AQP3: variants seen among roughly 807,000 people sequenced by gnomAD.
The protein encoded by AQP3 is aquaporin-3.
Under a neutral mutation model 30.3 loss-of-function variants are expected in AQP3, and 15 were observed. That is an observed-to-expected ratio of 0.49 (90% CI 0.33 to 0.76). AQP3 has a LOEUF of 0.76. Among genes scored for constraint, AQP3 ranks in the 30% least tolerant of loss-of-function variants. AQP3 has a pLI of 0.02. For synonymous variants in AQP3, 153 were observed against 163.2 expected, an observed-to-expected ratio of 0.94 and a Z score of 0.47; for missense variants, 272 against 384.8, an observed-to-expected ratio of 0.71 and a Z score of 2.45.
rs1021145087 is a variant in AQP3, at chr9:33,443,158, C to T, written c.373+163G>A. 1 of 1,218,286 alleles carries T rather than the reference C, an allele frequency of 8.2e-7. No homozygotes were observed. Among genetic ancestry groups the T allele is most frequent in the African/African-American group, 1.5e-5 (1 of 66,288 alleles). 75.5% of individuals were successfully genotyped at this position (1,218,286 alleles called of 1,614,324 possible). A position where few individuals can be genotyped will look rare whatever the true frequency, so the allele number is the denominator to read the frequency against. ...GACTCTGTTATTGCCCAACTTGTTT[C>T]TTTCCCTTCGTGCCCCCTACCTTGA... On this transcript the variant is annotated intron_variant, in intron 3 of 5. Coordinates refer to ENST00000297991, the MANE Select transcript of AQP3 (RefSeq NM_004925.5). The surrounding 1 kb of genome is among the most constrained non-coding windows in gnomAD (Gnocchi z 5.0).
chr9:33,446,261 G>A (rs1197053096), intron 1 of AQP3, among the ~76,000 whole-genome samples: 3 of 152,198 alleles, frequency 2.0e-5, no homozygotes, highest in African/African-American at 7.2e-5. Context: ...ATGGGAGGCT[G>A]TGGATAAAAT....
Position 33,442,847 on chromosome 9 carries a change from C to T in AQP3, c.492+5G>A, listed in dbSNP as rs1826859174. The T allele has an allele frequency of 6.2e-7, 1 of 1,613,042 alleles. No homozygotes were observed. ...GCGTTCCCCTCACACGTCCCCAGCC[C>T]ATACCTGGTCAAAGAAGCCATTGAT... On this transcript the variant is annotated splice_donor_5th_base_variant and intron_variant, in intron 4 of 5. Transcript: ENST00000297991.
In AQP3 at chr9:33,443,097, C is replaced by A; in HGVS notation, c.374-127G>T. 1 of 1,085,718 alleles carries A rather than the reference C, an allele frequency of 9.2e-7. No individual in the cohort carries two copies. The highest frequency in any genetic ancestry group is 1.4e-6 in the Non-Finnish European group (1 of 719,368). 67.3% of individuals were successfully genotyped at this position (1,085,718 alleles called of 1,614,324 possible). ...AGCAATACTGCTGTATTGCAGCAGG[C>A]AGAGGGGGTGGCGTGGGGTGGGGTG... On this transcript the variant is annotated intron_variant, in intron 3 of 5. Coordinates refer to ENST00000297991, the MANE Select transcript of AQP3 (RefSeq NM_004925.5). The surrounding 1 kb of genome is among the most constrained non-coding windows in gnomAD (Gnocchi z 5.0).
At chr9:33,442,625 C>G (rs1419670799) in intron 4 of AQP3, 107 bp from the exon 5 acceptor site, 2 of 1,234,834 alleles carry the variant, frequency 1.6e-6, no homozygotes, top group Non-Finnish European at 2.3e-6. Context: ...CAGCGCCCGC[C>G]CATGCTCTTC....
In AQP3 at chr9:33,442,213, T is replaced by TG. The variant is rs1826846233; in HGVS notation, c.711-3dup. ...ACCCACCACCAATGCTGGCCGGTCC[T>TG]GGGGGGACAGACACTCATAGTCAGG... is the stretch of plus-strand genomic sequence containing the variant. On this transcript the variant is annotated splice_region_variant and splice_polypyrimidine_tract_variant and intron_variant, in intron 5 of 5. Coordinates refer to ENST00000297991, the MANE Select transcript of AQP3 (RefSeq NM_004925.5). The TG allele has an allele frequency of 6.2e-7, 1 of 1,610,124 alleles. No homozygotes were observed. The highest frequency in any genetic ancestry group is 8.5e-7 in the Non-Finnish European group (1 of 1,178,848).
At position 33,443,481 on chromosome 9, in the gene AQP3, C is replaced by T. The variant is rs761737411; in HGVS notation, c.236-23G>A. The T allele has an allele frequency of 2.5e-6, 4 of 1,608,984 alleles. No homozygotes were observed. The highest frequency in any genetic ancestry group is 1.7e-4 in the Middle Eastern group (1 of 6,042). Reference sequence around the variant, plus strand: ...CCCCTGGGCAGAGGGGACAAGGGACCTATTAGCTGCAGCCTGCCACAGTCG... The same window carrying T: ...CCCCTGGGCAGAGGGGACAAGGGACTTATTAGCTGCAGCCTGCCACAGTCG... On this transcript the variant is annotated intron_variant, in intron 2 of 5. Transcript: ENST00000297991. This position sits in a 1 kb window ranked among gnomAD's most constrained non-coding sequence, Gnocchi z 5.0.
Position 33,445,260 on chromosome 9 carries a change from G to A in AQP3, c.109-1368C>T, listed in dbSNP as rs570555410. The stretch of plus-strand genomic sequence containing the variant: ...TCCCTCAAAGCTGCTCCAATGCCTT[G>A]CCCTGGTCTCCTCTCCCACCTGCCC... On this transcript the variant is annotated intron_variant, in intron 1 of 5. Transcript: ENST00000297991. Among the ~76,000 whole-genome samples the A allele has an allele frequency of 1.6e-4, 24 of 152,274 alleles. No individual in the cohort carries two copies. The South Asian group carries it at 4.6e-3, about 29-fold the overall frequency.
rs1563866884 is a variant in AQP3 at position 33,443,020 on chromosome 9, G to A, written c.374-50C>T. ...GAGTCGGGGGAGAGGCCTGAGCCCA[G>A]ACTTCCCTCTCAGGTGTGCCCTCCC... On this transcript the variant is annotated intron_variant, in intron 3 of 5. Transcript: ENST00000297991. The surrounding 1 kb of genome is among the most constrained non-coding windows in gnomAD (Gnocchi z 5.0). 1 of 1,544,554 alleles carries A rather than the reference G, an allele frequency of 6.5e-7. No individual in the cohort carries two copies. The highest frequency in any genetic ancestry group is 8.9e-7 in the Non-Finnish European group (1 of 1,117,544).
At chr9:33,442,670 C>T (rs960013792) in intron 4 of AQP3, 152 bp from the exon 5 acceptor site, 22 of 1,083,676 alleles carry the variant, frequency 2.0e-5, no homozygotes, top group Non-Finnish European at 3.1e-5. Flanking sequence ...GTCTGCGTGA[C>T]AAGAACCCGC....
Position 33,441,873 on chromosome 9 carries a change from G to T in AQP3, c.*170C>A, listed in dbSNP as rs775449982. The T allele has an allele frequency of 1.8e-6, 2 of 1,139,130 alleles. No homozygotes were observed. Among genetic ancestry groups the T allele is most frequent in the Non-Finnish European group, 1.2e-6 (1 of 801,674 alleles). 70.6% of individuals were successfully genotyped at this position (1,139,130 alleles called of 1,614,324 possible). A position where few individuals can be genotyped will look rare whatever the true frequency, so the allele number is the denominator to read the frequency against. ...GGCAGTGGCCTAAGGTGCTATTTGG[G>T]CAAGGTCCAGTGGAAATCCTGAAGG... On this transcript the variant is annotated 3_prime_UTR_variant, in exon 6 of 6. Coordinates refer to ENST00000297991, the MANE Select transcript of AQP3 (RefSeq NM_004925.5).
At position 33,443,818 on chromosome 9, in the gene AQP3, C is replaced by G; in HGVS notation, c.183G>C (p.Leu61=). 3.7e-6 allele frequency: 6 copies of G among 1,613,992 alleles called. No individual in the cohort carries two copies. The highest frequency in any genetic ancestry group is 5.1e-6 in the Non-Finnish European group (6 of 1,179,978). ...GTHGGFLTIN[L]AFGFAVTLGI... is the part of the protein sequence containing the mutation. ...CCAGAGTGACAGCAAAGCCAAAGGC[C>G]AGGTTGATGGTGAGGAAACCACCGT... The change falls in exon 2 of 6, where the codon CTG becomes CTC. Residue 61 remains leucine, a synonymous_variant. Coordinates refer to ENST00000297991, the MANE Select transcript of AQP3 (RefSeq NM_004925.5). The surrounding 1 kb of genome is among the most constrained non-coding windows in gnomAD (Gnocchi z 5.0).
rs56323059 is a variant in AQP3 at position 33,442,836 on chromosome 9, C to T, written c.492+16G>A. 2.9e-5 allele frequency: 47 copies of T among 1,610,370 alleles called. No individual in the cohort carries two copies. The highest frequency in any genetic ancestry group is 1.9e-4 in the South Asian group (17 of 90,986). Reference sequence around the variant, plus strand: ...GTCCCCTCCCTGCGTTCCCCTCACACGTCCCCAGCCCATACCTGGTCAAAG... The same window carrying T: ...GTCCCCTCCCTGCGTTCCCCTCACATGTCCCCAGCCCATACCTGGTCAAAG... On this transcript the variant is annotated intron_variant, in intron 4 of 5. Transcript: ENST00000297991.
At position 33,443,511 on chromosome 9, in the gene AQP3, G is replaced by A; in HGVS notation, c.236-53C>T. The A allele has an allele frequency of 6.3e-7, 1 of 1,592,246 alleles. No homozygotes were observed. The highest frequency in any genetic ancestry group is 8.6e-7 in the Non-Finnish European group (1 of 1,169,368). On this transcript the variant is annotated intron_variant, in intron 2 of 5. Coordinates refer to ENST00000297991, the MANE Select transcript of AQP3 (RefSeq NM_004925.5). The surrounding 1 kb of genome is among the most constrained non-coding windows in gnomAD (Gnocchi z 5.0). ...AGCTGCAGCCTGCCACAGTCGGCAG[G>A]CTAGGGTCCCCTGAGAAGGGGTGCA...
chr9:33,446,425 C>G (rs976984684), intron 1 of AQP3, among the ~76,000 whole-genome samples: 11 of 152,154 alleles, frequency 7.2e-5, no homozygotes, highest in African/African-American at 2.7e-4. Flanking sequence ...GTCTGTACTA[C>G]CCAGGGCTGG....
intron 1 of AQP3, 123 bp downstream of exon 1, chr9:33,447,300 G>T: frequency 3.5e-6 from 3 of 848,626 alleles, no homozygotes; most frequent in East Asian, 2.7e-5. Context: ...GGTTAAGCGT[G>T]GGGGTCACAG....
rs769979872 is a variant in AQP3 at position 33,443,305 on chromosome 9, G to A, written c.373+16C>T. ...GGACGGGGGTAGTGGAGGAGGACAGGGTGGGGAATGCTTACCATAATACAG... is the reference window on the plus strand; with the variant it reads ...GGACGGGGGTAGTGGAGGAGGACAGAGTGGGGAATGCTTACCATAATACAG... On this transcript the variant is annotated intron_variant, in intron 3 of 5. Transcript: ENST00000297991. This position sits in a 1 kb window ranked among gnomAD's most constrained non-coding sequence, Gnocchi z 5.0. 7 of 1,572,384 alleles carry A rather than the reference G, an allele frequency of 4.5e-6. No individual in the cohort carries two copies. The highest frequency in any genetic ancestry group is 6.0e-6 in the Non-Finnish European group (7 of 1,158,610).
In AQP3 at chr9:33,441,721, A is replaced by C. The variant is rs1826835318; in HGVS notation, c.*322T>G. The C allele has an allele frequency of 2.8e-5, 12 of 433,998 alleles. No individual in the cohort carries two copies. The highest frequency in any genetic ancestry group is 6.1e-5 in the South Asian group (1 of 16,262). The allele number at this position is 433,998 out of a possible 1,614,324, so 26.9% of individuals were successfully genotyped here. On this transcript the variant is annotated 3_prime_UTR_variant, in exon 6 of 6. Coordinates refer to ENST00000297991, the MANE Select transcript of AQP3 (RefSeq NM_004925.5). ...ATCTGGGAACCCCCCCCACACACACACACCCCTGCACACACATGCACACAC... is the reference window on the plus strand; with the variant it reads ...ATCTGGGAACCCCCCCCACACACACCCACCCCTGCACACACATGCACACAC...
In AQP3 at chr9:33,441,715, A is replaced by C. The variant is rs946990007; in HGVS notation, c.*328T>G. On this transcript the variant is annotated 3_prime_UTR_variant, in exon 6 of 6. Transcript: ENST00000297991. ...CTGAATATCTGGGAACCCCCCCCAC[A>C]CACACACACCCCTGCACACACATGC... is the stretch of plus-strand genomic sequence containing the variant. 724 of 382,922 alleles carry C rather than the reference A, an allele frequency of 1.9e-3. No individual in the cohort carries two copies. Among genetic ancestry groups the C allele is most frequent in the African/African-American group, 6.5e-3 (291 of 44,452 alleles). 23.7% of individuals were successfully genotyped at this position (382,922 alleles called of 1,614,324 possible).
intron 1 of AQP3, among the ~76,000 whole-genome samples, chr9:33,445,058 G>T (rs1397369017): frequency 6.6e-6 from 1 of 152,188 alleles, no homozygotes; most frequent in East Asian, 1.9e-4. Flanking sequence ...CCAGCACTTT[G>T]GAGGCTGAGA....
Sources: allele counts gnomAD v4.1 joint callset (sites outside exome capture counted in the v4.1 genomes callset), GRCh38; gene constraint gnomAD v4.1.1; non-coding constraint Gnocchi (gnomAD v3.1); transcripts MANE v1.5; gene names NCBI Gene and HGNC (gene_info 2026-07-23, HGNC 2026-07-21).